Variants in MYH10 observed in about 807,000 individuals in gnomAD.
The protein encoded by MYH10 is myosin heavy chain 10.
MYH10 carries 55 observed loss-of-function variants against 257.8 expected under a neutral mutation model. That is an observed-to-expected ratio of 0.21 (90% CI 0.17 to 0.27). The LOEUF (loss-of-function observed/expected upper bound fraction) is 0.27. Ranked by LOEUF, MYH10 falls within the 10% of genes least tolerant of loss-of-function variation. The pLI is 1.00. For missense variants in MYH10, 1,631 were observed against 2,500.6 expected, an observed-to-expected ratio of 0.65 and a Z score of 7.42; for synonymous variants, 854 against 921.7, an observed-to-expected ratio of 0.93 and a Z score of 1.33.
intron 1 of MYH10, among the ~76,000 whole-genome samples, chr17:8,625,038 C>G (rs1336964905): frequency 6.6e-6 from 1 of 152,132 alleles, no homozygotes; most frequent in Non-Finnish European, 1.5e-5. Context: ...CACCTGAGGT[C>G]AGAAGTTCGA....
intron 9 of MYH10, among the ~76,000 whole-genome samples, chr17:8,549,632 A>G (rs2082556176): frequency 6.6e-6 from 1 of 152,188 alleles, no homozygotes; most frequent in Non-Finnish European, 1.5e-5. Flanking sequence ...TAACTTCTAC[A>G]GGGTACTGCC....
intron 35 of MYH10, 75 bp from the exon 36 acceptor site, chr17:8,487,669 G>C (rs780051163): frequency 2.7e-5 from 42 of 1,552,560 alleles, no homozygotes; most frequent in Non-Finnish European, 3.2e-5. Flanking sequence ...GTTCTCAAGT[G>C]GGGGGCTCTG....
In MYH10 at chr17:8,535,189, C is replaced by G. The variant is rs1195926677; in HGVS notation, c.1894+198G>C. ...CTACAACATCTGACCAAGAAGGTAG[C>G]TGTCTCTGTATTCATTTCTTAACCC... On this transcript the variant is annotated intron_variant, in intron 16 of 42. Coordinates refer to ENST00000360416, the MANE Select transcript of MYH10 (RefSeq NM_001256012.3). The surrounding 1 kb of genome is among the most constrained non-coding windows in gnomAD (Gnocchi z 4.3). Among the ~76,000 whole-genome samples, 3 of 152,182 alleles carry G rather than the reference C, an allele frequency of 2.0e-5. No individual in the cohort carries two copies. Among genetic ancestry groups the G allele is most frequent in the Non-Finnish European group, 4.4e-5 (3 of 68,032 alleles).
chr17:8,621,112 G>A (rs2085450916), intron 2 of MYH10, among the ~76,000 whole-genome samples: 1 of 152,168 alleles, frequency 6.6e-6, no homozygotes, highest in Admixed American at 6.5e-5. Flanking sequence ...GGGAAATTAA[G>A]GTGAAGGCTG....
intron 6 of MYH10, among the ~76,000 whole-genome samples, chr17:8,573,116 C>G (rs2083400999): frequency 6.6e-6 from 1 of 152,180 alleles, no homozygotes; most frequent in Non-Finnish European, 1.5e-5. Context: ...TTATATACTG[C>G]TTTCAAAGTT....
chr17:8,480,575 C>T (rs777633323), intron 38 of MYH10, 50 bp from the exon 39 acceptor site: 10 of 1,597,228 alleles, frequency 6.3e-6, no homozygotes, highest in Admixed American at 1.7e-5. Context: ...CAGCACAGCA[C>T]AGGAGCCTCA....
At chr17:8,570,380 G>A (rs901226771) in intron 6 of MYH10, among the ~76,000 whole-genome samples, 2 of 152,208 alleles carry the variant, frequency 1.3e-5, no homozygotes, top group Non-Finnish European at 2.9e-5. Flanking sequence ...AGGCTAAGTA[G>A]AGAGGATTCG....
At chr17:8,623,367 T>C (rs1394550072) in intron 1 of MYH10, 90 bp from the exon 2 acceptor site, 2 of 1,278,512 alleles carry the variant, frequency 1.6e-6, no homozygotes, top group Non-Finnish European at 2.1e-6. Flanking sequence ...AAACCTTAGA[T>C]TAAGCATTAA....
chr17:8,608,807 GA>G (rs1295154789), intron 2 of MYH10, among the ~76,000 whole-genome samples: 1 of 150,952 alleles, frequency 6.6e-6, no homozygotes, highest in African/African-American at 2.5e-5. Context: ...CTATGATTGG[GA>G]AATTTTTTTT....
intron 2 of MYH10, among the ~76,000 whole-genome samples, chr17:8,619,924 C>CA (rs576621112): frequency 6.5e-4 from 98 of 150,026 alleles, no homozygotes; most frequent in South Asian, 1.3e-3. Context: ...GACTCTGTCC[C>CA]AAAAAAAACA....
chr17:8,502,104 C>T (rs1356238027), intron 28 of MYH10, among the ~76,000 whole-genome samples: 1 of 152,188 alleles, frequency 6.6e-6, no homozygotes, highest in Non-Finnish European at 1.5e-5. Flanking sequence ...TTGCTCTATA[C>T]TTTATAACAT....
chr17:8,598,614 CTT>C (rs1302676125), intron 3 of MYH10, among the ~76,000 whole-genome samples: 2 of 151,958 alleles, frequency 1.3e-5, no homozygotes, highest in Non-Finnish European at 2.9e-5. Context: ...GTCTATAAAT[CTT>C]TCTTTCCTAA....
At chr17:8,515,889 A>G (rs1337061118) in intron 21 of MYH10, among the ~76,000 whole-genome samples, 1 of 152,166 alleles carries the variant, frequency 6.6e-6, no homozygotes, top group East Asian at 1.9e-4. Context: ...TACAAAAACA[A>G]AAGTTTCAAA....
chr17:8,554,126 G>A, intron 7 of MYH10, 108 bp from the exon 8 acceptor site: 2 of 742,750 alleles, frequency 2.7e-6, no homozygotes, highest in Non-Finnish European at 4.6e-6. Flanking sequence ...TTACAATAAT[G>A]GATCTTATAT....
intron 17 of MYH10, among the ~76,000 whole-genome samples, chr17:8,527,036 G>A (rs1332019199): frequency 6.6e-6 from 1 of 152,178 alleles, no homozygotes; most frequent in Non-Finnish European, 1.5e-5. Flanking sequence ...AATAAGGTAA[G>A]ACAATTCCAC....
At chr17:8,577,002 C>T (rs1034235222) in intron 5 of MYH10, among the ~76,000 whole-genome samples, 9 of 152,144 alleles carry the variant, frequency 5.9e-5, no homozygotes, top group Admixed American at 2.0e-4. Flanking sequence ...AATTAGGCAT[C>T]AAGCCACAAC....
Position 8,499,464 on chromosome 17 carries a change from G to A in MYH10, c.3757C>T (p.Leu1253=). 6.2e-7 allele frequency: 1 copy of A among 1,614,106 alleles called. No individual in the cohort carries two copies. The highest frequency in any genetic ancestry group is 1.3e-5 in the African/African-American group (1 of 75,012). Residue 1253 remains leucine, a synonymous_variant, in exon 30 of 43, where the codon CTA becomes TTA. Coordinates refer to ENST00000360416, the MANE Select transcript of MYH10 (RefSeq NM_001256012.3). Reference sequence around the variant, plus strand: ...TCCAGGCCCTGCTTGTTCTTCTCTAGATTTGCTTTGAACTAGGAGACGGAA... The same window carrying A: ...TCCAGGCCCTGCTTGTTCTTCTCTAAATTTGCTTTGAACTAGGAGACGGAA... ...LEQAKRFKAN[L]EKNKQGLETD...
chr17:8,593,313 C>T (rs982366111), intron 3 of MYH10, among the ~76,000 whole-genome samples: 14 of 151,818 alleles, frequency 9.2e-5, no homozygotes, highest in Admixed American at 4.6e-4. Context: ...TCCTATTCAA[C>T]GCTACAAAGT....
intron 7 of MYH10, among the ~76,000 whole-genome samples, chr17:8,564,553 C>T (rs528551141): frequency 6.6e-6 from 1 of 152,230 alleles, no homozygotes; most frequent in East Asian, 1.9e-4. Context: ...CATGACATGC[C>T]GTTGAAAACA....
Sources: allele counts gnomAD v4.1 joint callset (sites outside exome capture counted in the v4.1 genomes callset), GRCh38; gene constraint gnomAD v4.1.1; non-coding constraint Gnocchi (gnomAD v3.1); transcripts MANE v1.5; gene names NCBI Gene and HGNC (gene_info 2026-07-23, HGNC 2026-07-21).